Variants in CABIN1 observed in about 807,000 individuals in gnomAD.
CABIN1 encodes calcineurin-binding protein cabin-1.
In CABIN1, 133 loss-of-function variants were observed where a neutral mutation model predicts 227.7. The ratio of observed to expected loss-of-function variants is 0.58; its 90% CI spans 0.51 to 0.67. The LOEUF is 0.67. CABIN1 is among the 30% of genes least tolerant of loss of function. The pLI, the probability that CABIN1 is intolerant of heterozygous loss-of-function variation, is 0.00. For missense variants in CABIN1, 2,408 were observed against 2,852.5 expected (o/e 0.84, Z 3.55); for synonymous variants, 1,086 against 1,155.1 (o/e 0.94, Z 1.21).
intron 28 of CABIN1, among the ~76,000 whole-genome samples, chr22:24,126,715 A>G (rs2043746375): frequency 6.6e-6 from 1 of 152,190 alleles, no homozygotes; most frequent in Non-Finnish European, 1.5e-5. Context: ...AGCTGTCGCA[A>G]GGGCTGGGCA....
chr22:24,170,471 G>A (rs1453029828), intron 33 of CABIN1, among the ~76,000 whole-genome samples: 6 of 152,178 alleles, frequency 3.9e-5, no homozygotes, highest in African/African-American at 9.7e-5. Context: ...TTCCTCCAGC[G>A]TGTCTGCTCA....
chr22:24,113,831 G>T, intron 27 of CABIN1, 83 bp downstream of exon 27: 1 of 1,494,362 alleles, frequency 6.7e-7, no homozygotes. Context: ...CGTGGCCCAG[G>T]GACCTTGGCT....
At chr22:24,065,083 G>A (rs1460596960) in intron 15 of CABIN1, among the ~76,000 whole-genome samples, 1 of 151,734 alleles carries the variant, frequency 6.6e-6, no homozygotes, top group Non-Finnish European at 1.5e-5. Flanking sequence ...TCACTTCCCA[G>A]TAGGGGCGGC....
chr22:24,124,946 A>G (rs1450551381), intron 28 of CABIN1, among the ~76,000 whole-genome samples: 1 of 152,198 alleles, frequency 6.6e-6, no homozygotes, highest in African/African-American at 2.4e-5. Flanking sequence ...GTTTCAAAAC[A>G]TACTACAAAT....
chr22:24,065,991 G>A (rs6004049), intron 15 of CABIN1, among the ~76,000 whole-genome samples: 6,993 of 152,314 alleles, frequency 0.046, 316 homozygotes, highest in African/African-American at 0.11. Flanking sequence ...GAGGGAGACC[G>A]TGGAAAGAGA....
chr22:24,072,183 C>G (rs999767781), intron 17 of CABIN1, among the ~76,000 whole-genome samples, 171 bp from the exon 18 acceptor site: 8 of 152,188 alleles, frequency 5.3e-5, no homozygotes, highest in African/African-American at 1.9e-4. Flanking sequence ...CTATGGGTCT[C>G]TGTCCGATGA....
At chr22:24,080,825 G>T (rs1301327592) in intron 19 of CABIN1, among the ~76,000 whole-genome samples, 1 of 152,080 alleles carries the variant, frequency 6.6e-6, no homozygotes, top group African/African-American at 2.4e-5. Context: ...ATTAATTTTA[G>T]TGGGTGGTAG....
chr22:24,015,331 A>G (rs1381549890), intron 1 of CABIN1, among the ~76,000 whole-genome samples: 1 of 147,856 alleles, frequency 6.8e-6, no homozygotes, highest in Non-Finnish European at 1.5e-5. Flanking sequence ...ATATCTGTTC[A>G]TAGAGATCTT....
intron 25 of CABIN1, among the ~76,000 whole-genome samples, chr22:24,096,378 G>A (rs1455396405): frequency 6.6e-6 from 1 of 152,172 alleles, no homozygotes; most frequent in African/African-American, 2.4e-5. Flanking sequence ...CTCCACTGGG[G>A]CACAGCTCTG....
At chr22:24,122,885 A>G (rs781036268) in intron 28 of CABIN1, among the ~76,000 whole-genome samples, 15 of 152,274 alleles carry the variant, frequency 9.9e-5, no homozygotes, top group Admixed American at 2.6e-4. Flanking sequence ...GACACCAGGT[A>G]CACCAGGTCC....
At chr22:24,032,215 T>C (rs532371307) in intron 1 of CABIN1, among the ~76,000 whole-genome samples, 1 of 152,394 alleles carries the variant, frequency 6.6e-6, no homozygotes, top group South Asian at 2.1e-4. Context: ...TATTCTATTT[T>C]CCACCTATAA....
At chr22:24,172,665 T>C (rs1008646027) in intron 34 of CABIN1, among the ~76,000 whole-genome samples, 9 of 152,166 alleles carry the variant, frequency 5.9e-5, no homozygotes, top group African/African-American at 1.9e-4. Context: ...CCAGGATCCA[T>C]TGGAATGGCA....
intron 29 of CABIN1, among the ~76,000 whole-genome samples, chr22:24,153,448 C>T (rs1301156501): frequency 1.3e-5 from 2 of 152,158 alleles, no homozygotes; most frequent in Admixed American, 1.3e-4. Flanking sequence ...TGCCAGTAAG[C>T]GCAGCTCTTT....
At position 24,166,788 on chromosome 22, in the gene CABIN1, C is replaced by G. The variant is rs774508491; in HGVS notation, c.5157C>G (p.Pro1719=). The G allele has an allele frequency of 4.3e-6, 7 of 1,612,876 alleles. No individual in the cohort carries two copies. The South Asian group carries it at 5.5e-5, about 13-fold the overall frequency. ...PPLADGSGPG[P]EPGGKVGLLN... ...TGGCTGATGGCTCAGGGCCAGGGCCCGAGCCAGGAGGCAAAGTGGGCCTCC... is the reference window on the plus strand; with the variant it reads ...TGGCTGATGGCTCAGGGCCAGGGCCGGAGCCAGGAGGCAAAGTGGGCCTCC... The change falls in exon 32 of 37, where the codon CCC becomes CCG. Residue 1719 remains proline, a synonymous_variant. Coordinates refer to ENST00000263119, the MANE Select transcript of CABIN1 (RefSeq NM_012295.4).
intron 16 of CABIN1, among the ~76,000 whole-genome samples, 198 bp from the exon 17 acceptor site, chr22:24,070,602 C>G (rs539825019): frequency 4.2e-4 from 64 of 152,364 alleles, no homozygotes; most frequent in Non-Finnish European, 7.1e-4. Context: ...GTGACATTCT[C>G]TGCTGCCATT....
chr22:24,069,300 A>G (rs1371687135), intron 16 of CABIN1, among the ~76,000 whole-genome samples: 1 of 151,758 alleles, frequency 6.6e-6, no homozygotes, highest in Non-Finnish European at 1.5e-5. Context: ...AACCCTATTG[A>G]TTTTTTTGTG....
intron 11 of CABIN1, 51 bp downstream of exon 11, chr22:24,059,414 A>C: frequency 6.2e-7 from 1 of 1,601,030 alleles, no homozygotes. Context: ...TCTTCCCACT[A>C]TCCTATAACC....
rs1332838209 is a variant in CABIN1, at chr22:24,036,154, T to G, written c.69T>G (p.Ser23Arg). 6.2e-7 allele frequency: 1 copy of G among 1,613,468 alleles called. No homozygotes were observed. The highest frequency in any genetic ancestry group is 1.7e-5 in the Admixed American group (1 of 60,006). The change falls in exon 3 of 37, where the codon AGT becomes AGG. Residue 23 changes from serine (S) to arginine (R), a missense_variant. Coordinates refer to ENST00000263119, the MANE Select transcript of CABIN1 (RefSeq NM_012295.4). ...ATGATCATGAAGGAAGCTTTAAAAG[T>G]CACAAAACCCAGACAAAGGAGGCTC... ...IEDDHEGSFKSHKTQTKEAQE... is the reference protein window; with the variant it reads ...IEDDHEGSFKRHKTQTKEAQE...
At chr22:24,081,567 G>C (rs1716575028) in intron 19 of CABIN1, among the ~76,000 whole-genome samples, 1 of 152,048 alleles carries the variant, frequency 6.6e-6, no homozygotes, top group Non-Finnish European at 1.5e-5. Flanking sequence ...TCAAATTACT[G>C]ACTATTGGTT....
Sources: gnomAD v4.1 joint callset for allele counts (sites outside exome capture counted in the v4.1 genomes callset) on GRCh38, gnomAD v4.1.1 for gene constraint, MANE v1.5 for transcripts, NCBI Gene and HGNC (gene_info 2026-07-23, HGNC 2026-07-21) for gene names.